Variants in SMG9 observed in about 807,000 individuals in gnomAD.
SMG9 encodes the protein nonsense-mediated mRNA decay factor SMG9.
A neutral mutation model predicts 64.0 loss-of-function variants in SMG9; 55 were observed. That is an observed-to-expected ratio of 0.86 (90% CI 0.69 to 1.08). SMG9 has a LOEUF of 1.08. SMG9 is among the 50% of genes least tolerant of loss of function. The pLI is 0.00. For synonymous variants in SMG9, 244 were observed against 254.8 expected, an observed-to-expected ratio of 0.96 and a Z score of 0.41; for missense variants, 554 against 681.3, an observed-to-expected ratio of 0.81 and a Z score of 2.08.
At chr19:43,744,411 C>A (rs755065409) in intron 6 of SMG9, among the ~76,000 whole-genome samples, 6 of 152,120 alleles carry the variant, frequency 3.9e-5, no homozygotes, top group Non-Finnish European at 7.4e-5. Flanking sequence ...ACAGGGGATA[C>A]GGGAAATGAA....
In SMG9 at chr19:43,729,096, G is replaced by T; in HGVS notation, c.*2500C>A. 2 of 938,006 alleles carry T rather than the reference G, an allele frequency of 2.1e-6. No homozygotes were observed. Among genetic ancestry groups the T allele is most frequent in the South Asian group, 4.9e-5 (1 of 20,428 alleles). The allele number at this position is 938,006 out of a possible 1,614,324, so 58.1% of individuals were successfully genotyped here. ...GGTGACCGGTACATACTTACCCACT[G>T]TTCAGAAGGCTACTGCCAGTTTGAC... On this transcript the variant is annotated 3_prime_UTR_variant, in exon 14 of 14. Coordinates refer to ENST00000270066, the MANE Select transcript of SMG9 (RefSeq NM_019108.4).
chr19:43,748,121 A>C, intron 2 of SMG9, 69 bp from the exon 3 acceptor site: 1 of 1,519,132 alleles, frequency 6.6e-7, no homozygotes, highest in Non-Finnish European at 8.8e-7. Context: ...TGTACCATGA[A>C]CTATTCTAAA....
Position 43,750,338 on chromosome 19 carries a change from T to C in SMG9, c.150+254A>G, listed in dbSNP as rs1449854524. 8.9e-6 allele frequency: 6 copies of C among 671,556 alleles called. No individual in the cohort carries two copies. The Admixed American group carries it at 1.1e-4, about 12-fold the overall frequency. The allele number at this position is 671,556 out of a possible 1,614,324, so 41.6% of individuals were successfully genotyped here. ...CTGTTCTTTCTGTCTGGAATGCTCT[T>C]CATCTCAGATGCTGGCATGGCTTAT... is the stretch of plus-strand genomic sequence containing the variant. On this transcript the variant is annotated intron_variant, in intron 2 of 13. Coordinates refer to ENST00000270066, the MANE Select transcript of SMG9 (RefSeq NM_019108.4).
chr19:43,747,524 G>A lies in SMG9; in HGVS notation c.506C>T (p.Ala169Val). ...CATGCGCTCTGGGGGCAGTAGTTTGGCCTGACCCACGACAGCTGGAGATTG... is the reference window on the plus strand; with the variant it reads ...CATGCGCTCTGGGGGCAGTAGTTTGACCTGACCCACGACAGCTGGAGATTG... ...PAAMDPVVGQ[A>V]KLLPPERMKH... Residue 169 changes from alanine (A) to valine (V), a missense_variant, in exon 5 of 14, where the codon GCC becomes GTC. By Grantham distance (64) the Ala-to-Val change is moderately conservative (BLOSUM62 0). Transcript: ENST00000270066. 1 of 1,614,160 alleles carries A rather than the reference G, an allele frequency of 6.2e-7. No individual in the cohort carries two copies. Among genetic ancestry groups the A allele is most frequent in the Non-Finnish European group, 8.5e-7 (1 of 1,180,030 alleles).
chr19:43,752,647 C>T (rs1327307978), intron 1 of SMG9, among the ~76,000 whole-genome samples: 4 of 152,028 alleles, frequency 2.6e-5, no homozygotes, highest in Non-Finnish European at 4.4e-5. Context: ...CCTGTAATCC[C>T]GACACTTTGG....
chr19:43,748,087 T>A, intron 2 of SMG9, 35 bp from the exon 3 acceptor site: 1 of 1,576,522 alleles, frequency 6.3e-7, no homozygotes, highest in Non-Finnish European at 8.6e-7. Flanking sequence ...CATGAATGGC[T>A]CTCCTGGACA....
chr19:43,748,040 C>G lies in SMG9; in HGVS notation c.163G>C (p.Glu55Gln), dbSNP rs1273515410. The G allele has an allele frequency of 6.2e-7, 1 of 1,610,226 alleles. No homozygotes were observed. The highest frequency in any genetic ancestry group is 1.7e-5 in the Admixed American group (1 of 59,368). Residue 55 changes from glutamate to glutamine, a missense_variant, in exon 3 of 14, where the codon GAG (glutamate) becomes CAG (glutamine). Glu to Gln is a conservative substitution (Grantham distance 29). Coordinates refer to ENST00000270066, the MANE Select transcript of SMG9 (RefSeq NM_019108.4). Reference sequence around the variant, plus strand: ...TTCTGCATGACGGAAGTGCTTGTCTCTTCGCTGGCATCCTGTGGTGAGGGA... The same window carrying G: ...TTCTGCATGACGGAAGTGCTTGTCTGTTCGCTGGCATCCTGTGGTGAGGGA... ...WERERRDASE[E>Q]TSTSVMQKTP...
chr19:43,740,370 G>A, intron 6 of SMG9, 152 bp from the exon 7 acceptor site: 1 of 651,330 alleles, frequency 1.5e-6, no homozygotes, highest in Non-Finnish European at 2.8e-6. Flanking sequence ...GGGGTGGGAG[G>A]CGGGGGTAGT....
chr19:43,742,605 G>C (rs141851758), intron 6 of SMG9, among the ~76,000 whole-genome samples: 39 of 152,136 alleles, frequency 2.6e-4, no homozygotes, highest in Admixed American at 6.5e-4. Flanking sequence ...TTCCAGTTTT[G>C]TATACCACTG....
intron 13 of SMG9, 87 bp downstream of exon 13, chr19:43,732,771 A>T: frequency 6.5e-7 from 1 of 1,526,724 alleles, no homozygotes; most frequent in Non-Finnish European, 9.0e-7. Flanking sequence ...GGGGCTTCAC[A>T]AGGTCATGCC....
At chr19:43,745,017 A>T (rs527832702) in intron 5 of SMG9, 133 bp from the exon 6 acceptor site, 1 of 576,000 alleles carries the variant, frequency 1.7e-6, no homozygotes, top group South Asian at 2.2e-5. Context: ...TATAGTCCCA[A>T]CCCCTTCAAC....
chr19:43,734,195 A>G (rs2074634), intron 10 of SMG9, 194 bp downstream of exon 10: 123,952 of 582,688 alleles, frequency 0.21, 13,931 homozygotes, highest in African/African-American at 0.28. Context: ...CTCAACTGTC[A>G]GGATTGGACC....
chr19:43,747,789 C>T lies in SMG9; in HGVS notation c.334G>A (p.Ala112Thr). The T allele has an allele frequency of 6.2e-7, 1 of 1,606,332 alleles. No homozygotes were observed. The highest frequency in any genetic ancestry group is 8.5e-7 in the Non-Finnish European group (1 of 1,176,334). The change falls in exon 4 of 14, where the codon GCC (alanine) becomes ACC (threonine). Residue 112 changes from alanine to threonine, a missense_variant. Transcript: ENST00000270066. ...TCAGGGGTAGAGGCACCTGTCACGG[C>T]CACAGGCCCCTTCCCCTCCTCCCGT... ...KPREEGKGPV[A>T]VTGASTPEGT...
chr19:43,745,817 C>A (rs1968982807), intron 5 of SMG9, among the ~76,000 whole-genome samples: 1 of 152,198 alleles, frequency 6.6e-6, no homozygotes, highest in African/African-American at 2.4e-5. Flanking sequence ...GCCTGACCAA[C>A]ATGGAGAAAC....
At chr19:43,744,961 C>T (rs766110551) in intron 5 of SMG9, 77 bp from the exon 6 acceptor site, 2 of 1,054,976 alleles carry the variant, frequency 1.9e-6, no homozygotes, top group Middle Eastern at 2.1e-4. Context: ...CTCCAGAGAC[C>T]CTTGTGGCTC....
Position 43,748,056 on chromosome 19 carries a change from TG to T in SMG9, c.151-5del. 1 of 1,605,358 alleles carries T rather than the reference TG, an allele frequency of 6.2e-7. No individual in the cohort carries two copies. Among genetic ancestry groups the T allele is most frequent in the Non-Finnish European group, 8.5e-7 (1 of 1,175,432 alleles). The stretch of plus-strand genomic sequence containing the variant: ...TGCTTGTCTCTTCGCTGGCATCCTG[TG>T]GTGAGGGAGGGCAGTTACTCATGAA... On this transcript the variant is annotated splice_region_variant and splice_polypyrimidine_tract_variant and intron_variant, in intron 2 of 13. Transcript: ENST00000270066.
Position 43,747,842 on chromosome 19 carries a change from A to G in SMG9, c.281T>C (p.Leu94Pro). 6.2e-7 allele frequency: 1 copy of G among 1,606,760 alleles called. No homozygotes were observed. Residue 94 changes from leucine (L) to proline (P), a missense_variant, in exon 4 of 14, where the codon CTG (leucine) becomes CCG (proline). Physicochemically the swap from Leu to Pro is moderately conservative, Grantham distance 98. Coordinates refer to ENST00000270066, the MANE Select transcript of SMG9 (RefSeq NM_019108.4). ...APAAPPAPAP[L>P]EKPIVLMKPR... ...CTTCATGAGAACGATGGGCTTCTCC[A>G]GAGGGGCTGGAGCAGGCGGGGCAGC...
At chr19:43,751,529 A>G (rs1466753319) in intron 1 of SMG9, among the ~76,000 whole-genome samples, 1 of 152,156 alleles carries the variant, frequency 6.6e-6, no homozygotes, top group African/African-American at 2.4e-5. Flanking sequence ...AAAAAGTAAA[A>G]CCCTCAGTTC....
At chr19:43,742,992 T>C (rs1221852700) in intron 6 of SMG9, among the ~76,000 whole-genome samples, 2 of 151,884 alleles carry the variant, frequency 1.3e-5, no homozygotes, top group African/African-American at 2.4e-5. Flanking sequence ...CAAGAATCGG[T>C]TGAACCCAGG....
Sources: gnomAD v4.1 joint callset for allele counts (sites outside exome capture counted in the v4.1 genomes callset) on GRCh38, gnomAD v4.1.1 for gene constraint, MANE v1.5 for transcripts, NCBI Gene and HGNC (gene_info 2026-07-23, HGNC 2026-07-21) for gene names.